Variants in WFS1 observed in about 807,000 individuals in gnomAD.
WFS1 encodes the protein wolframin.
A neutral mutation model predicts 68.5 loss-of-function variants in WFS1; 90 were observed. That is an observed-to-expected ratio of 1.31 (90% confidence interval 1.11 to 1.56). The LOEUF (loss-of-function observed/expected upper bound fraction) is 1.56, where lower values mean the gene tolerates loss of function less well. Ranked by LOEUF, WFS1 falls within the 40% of genes most tolerant of loss-of-function variation. The pLI is 0.00. For synonymous variants in WFS1, 860 were observed against 540.7 expected (o/e 1.59, Z -8.19); for missense variants, 1,767 against 1,232.6 (o/e 1.43, Z -6.49).
chr4:6,301,555 G>A lies in WFS1; in HGVS notation c.1760G>A (p.Arg587Gln), dbSNP rs71539657. ...CTGGTGGGCGTGCTGCAGTTCGCCC[G>A]GTGGTTCACGTCTCTGGAGCTCACC... Reference protein sequence around the residue: ...LALVGVLQFARWFTSLELTKI... With the variant: ...LALVGVLQFAQWFTSLELTKI... Residue 587 changes from arginine (R) to glutamine (Q), a missense_variant, in exon 8 of 8, where the codon CGG (arginine) becomes CAG (glutamine). Coordinates refer to ENST00000226760, the MANE Select transcript of WFS1 (RefSeq NM_006005.3). The A allele has an allele frequency of 2.8e-4, 458 of 1,614,076 alleles. No individual in the cohort carries two copies. Among genetic ancestry groups the A allele is most frequent in the Middle Eastern group, 2.3e-3 (14 of 6,062 alleles).
In WFS1 at chr4:6,302,276, C is replaced by T. The variant is rs886059532; in HGVS notation, c.2481C>T (p.Thr827=). 2 of 1,604,694 alleles carry T rather than the reference C, an allele frequency of 1.2e-6. No individual in the cohort carries two copies. Among genetic ancestry groups the T allele is most frequent in the African/African-American group, 1.3e-5 (1 of 74,792 alleles). ...AGGGCAGCCTCATCGAGTTCAGCACCATCCTGGAGGGCCGCCTGGGCAGCA... is the reference window on the plus strand; with the variant it reads ...AGGGCAGCCTCATCGAGTTCAGCACTATCCTGGAGGGCCGCCTGGGCAGCA... The part of the protein sequence containing the change: ...LRQGSLIEFS[T]ILEGRLGSKW... The change falls in exon 8 of 8, where the codon ACC becomes ACT. Residue 827 remains threonine, a synonymous_variant. Coordinates refer to ENST00000226760, the MANE Select transcript of WFS1 (RefSeq NM_006005.3).
At chr4:6,288,918 G>C (rs1388143945) in intron 3 of WFS1, 69 bp from the exon 4 acceptor site, 1 of 1,572,642 alleles carries the variant, frequency 6.4e-7, no homozygotes, top group East Asian at 2.3e-5. Context: ...GAAAGGAGGT[G>C]GGCTGGCAGG....
intron 7 of WFS1, among the ~76,000 whole-genome samples, chr4:6,297,922 C>G (rs563642853): frequency 2.4e-4 from 37 of 152,208 alleles, no homozygotes; most frequent in African/African-American, 8.9e-4. Flanking sequence ...AGGTGGGGGA[C>G]CAGCCCCTCC....
At chr4:6,293,850 G>A (rs181363524) in intron 6 of WFS1, among the ~76,000 whole-genome samples, 88 of 152,252 alleles carry the variant, frequency 5.8e-4, no homozygotes, top group African/African-American at 2.0e-3. Flanking sequence ...TCCTGAACCC[G>A]CAAGCCCCCA....
chr4:6,301,556 G>C lies in WFS1; in HGVS notation c.1761G>C (p.Arg587=), dbSNP rs35568345. Residue 587 remains arginine, a synonymous_variant, in exon 8 of 8, where the codon CGG becomes CGC. Transcript: ENST00000226760. ...LALVGVLQFA[R]WFTSLELTKI... is the part of the protein sequence containing the mutation. ...TGGTGGGCGTGCTGCAGTTCGCCCG[G>C]TGGTTCACGTCTCTGGAGCTCACCA... The C allele has an allele frequency of 6.8e-6, 11 of 1,614,032 alleles. No homozygotes were observed. In the African/African-American group the frequency reaches 1.5e-4, roughly 22 times the overall value.
chr4:6,295,226 C>A, intron 7 of WFS1, 37 bp downstream of exon 7: 5 of 1,608,816 alleles, frequency 3.1e-6, no homozygotes, highest in Non-Finnish European at 4.2e-6. Flanking sequence ...CGGAGCCTGC[C>A]TCCCAAGGAC....
Position 6,287,213 on chromosome 4 carries a change from G to A in WFS1, c.315+38G>A. The stretch of plus-strand genomic sequence containing the variant: ...GTGCCGGCAGGGACTTCGGGACGCG[G>A]CCCCCGGCACAACAGGCCTGGCCAC... On this transcript the variant is annotated intron_variant, in intron 3 of 7. Coordinates refer to ENST00000226760, the MANE Select transcript of WFS1 (RefSeq NM_006005.3). The surrounding 1 kb of genome is among the most constrained non-coding windows in gnomAD (Gnocchi z 6.4). The A allele has an allele frequency of 6.5e-7, 1 of 1,527,718 alleles. No individual in the cohort carries two copies. The highest frequency in any genetic ancestry group is 8.9e-7 in the Non-Finnish European group (1 of 1,127,082). 94.6% of individuals were successfully genotyped at this position (1,527,718 alleles called of 1,614,324 possible). A position where few individuals can be genotyped will look rare whatever the true frequency, so the allele number is the denominator to read the frequency against.
Position 6,302,160 on chromosome 4 carries a change from GGCTC to G in WFS1, c.2368_2371del (p.Ser790AlafsTer71). The G allele has an allele frequency of 1.2e-6, 2 of 1,612,804 alleles. No individual in the cohort carries two copies. Among genetic ancestry groups the G allele is most frequent in the Non-Finnish European group, 1.7e-6 (2 of 1,179,984 alleles). ...CATGCCATTCAGCAGCGGCGCTGAC[GGCTC>G]GCGCAGCCGCGAGGAGGACGACGTC... On this transcript the variant is annotated frameshift_variant, in exon 8 of 8. Transcript: ENST00000226760. LOFTEE classifies it high-confidence loss of function.
At chr4:6,297,406 G>T (rs1730665491) in intron 7 of WFS1, among the ~76,000 whole-genome samples, 1 of 152,156 alleles carries the variant, frequency 6.6e-6, no homozygotes, top group Non-Finnish European at 1.5e-5. Context: ...CTCCCACAAA[G>T]AATGTTCCAG....
intron 1 of WFS1, among the ~76,000 whole-genome samples, chr4:6,274,785 G>A (rs1315634295): frequency 6.6e-6 from 1 of 151,536 alleles, no homozygotes; most frequent in African/African-American, 2.4e-5. Context: ...TTGAAGGGTA[G>A]CCAGTGTTTT....
chr4:6,295,051 C>T lies in WFS1; in HGVS notation c.723C>T (p.Tyr241=), dbSNP rs766975177. The change falls in exon 7 of 8, where the codon TAC becomes TAT. Residue 241 remains tyrosine (Y), a synonymous_variant. Transcript: ENST00000226760. ...ERLVSSESKN[Y]IALDDFVEIT... is the part of the protein sequence containing the mutation. ...TCTCTCATGCTTCAGCCAAGAACTA[C>T]ATCGCGCTGGATGACTTTGTGGAGA... The T allele has an allele frequency of 1.9e-6, 3 of 1,613,446 alleles. No homozygotes were observed. The highest frequency in any genetic ancestry group is 2.7e-5 in the African/African-American group (2 of 74,928).
rs201102144 is a variant in WFS1 at position 6,302,201 on chromosome 4, C to G, written c.2406C>G (p.Ile802Met). Residue 802 changes from isoleucine to methionine, a missense_variant, in exon 8 of 8, where the codon ATC becomes ATG. Ile to Met is a conservative substitution (Grantham distance 10). Coordinates refer to ENST00000226760, the MANE Select transcript of WFS1 (RefSeq NM_006005.3). ...AGGAGGACGACGTCACCAAGGACATCGTGCTGCGGGCCAGCAGCGAGTTCA... is the reference window on the plus strand; with the variant it reads ...AGGAGGACGACGTCACCAAGGACATGGTGCTGCGGGCCAGCAGCGAGTTCA... ...SREEDDVTKD[I>M]VLRASSEFKS... 21 of 1,611,502 alleles carry G rather than the reference C, an allele frequency of 1.3e-5. No individual in the cohort carries two copies. In the Admixed American group the frequency reaches 3.0e-4, roughly 23 times the overall value.
At position 6,301,590 on chromosome 4, in the gene WFS1, G is replaced by C; in HGVS notation, c.1795G>C (p.Val599Leu). The change falls in exon 8 of 8, where the codon GTC (valine) becomes CTC (leucine). Residue 599 changes from valine to leucine, a missense_variant. Physicochemically the swap from Val to Leu is conservative, Grantham distance 32. Transcript: ENST00000226760. ...GTCTCTGGAGCTCACCAAGATCGCAGTCACCGTGGCGGTCTGTAGTGTGCC... is the reference window on the plus strand; with the variant it reads ...GTCTCTGGAGCTCACCAAGATCGCACTCACCGTGGCGGTCTGTAGTGTGCC... ...FTSLELTKIA[V>L]TVAVCSVPLL... 2 of 1,614,148 alleles carry C rather than the reference G, an allele frequency of 1.2e-6. No individual in the cohort carries two copies. The highest frequency in any genetic ancestry group is 1.7e-6 in the Non-Finnish European group (2 of 1,180,022).
At chr4:6,293,812 G>A (rs1250126500) in intron 6 of WFS1, among the ~76,000 whole-genome samples, 1 of 152,156 alleles carries the variant, frequency 6.6e-6, no homozygotes, top group East Asian at 1.9e-4. Context: ...GGGTGGCATT[G>A]GTGACCACTC....
Position 6,300,665 on chromosome 4 carries a change from G to A in WFS1, c.870G>A (p.Lys290=), listed in dbSNP as rs1475343138. 3.1e-6 allele frequency: 5 copies of A among 1,614,002 alleles called. No individual in the cohort carries two copies. Among genetic ancestry groups the A allele is most frequent in the Non-Finnish European group, 3.4e-6 (4 of 1,179,956 alleles). ...EDLPLRLKVV[K]YPLHAIMEIK... ...TACCATCTTTCCCCCAGGTGGTCAA[G>A]TACCCCCTGCACGCCATCATGGAGA... The change falls in exon 8 of 8, where the codon AAG becomes AAA. Residue 290 remains lysine (K), a synonymous_variant. Transcript: ENST00000226760.
intron 7 of WFS1, among the ~76,000 whole-genome samples, chr4:6,296,558 TCTC>T (rs1232131594): frequency 6.6e-6 from 1 of 152,154 alleles, no homozygotes; most frequent in Non-Finnish European, 1.5e-5. Flanking sequence ...GGTGCCATCA[TCTC>T]CTTACTAATG....
chr4:6,288,014 C>G (rs925230501), intron 3 of WFS1, among the ~76,000 whole-genome samples: 1 of 152,072 alleles, frequency 6.6e-6, no homozygotes, highest in African/African-American at 2.4e-5. Context: ...GTCAGGAGTT[C>G]GTGACCAGCC....
In WFS1 at chr4:6,301,478, C is replaced by A. The variant is rs71530906; in HGVS notation, c.1683C>A (p.Ile561=). Residue 561 remains isoleucine, a synonymous_variant, in exon 8 of 8, where the codon ATC becomes ATA. Coordinates refer to ENST00000226760, the MANE Select transcript of WFS1 (RefSeq NM_006005.3). The part of the protein sequence containing the change: ...STGLGLLRAS[I]GYFLFLFALP... ...GCCTGGGGCTGCTCCGCGCCTCCAT[C>A]GGCTACTTCCTCTTCCTCTTTGCCC... The A allele has an allele frequency of 6.2e-7, 1 of 1,613,038 alleles. No individual in the cohort carries two copies.
rs1194651223 is a variant in WFS1, at chr4:6,302,838, G to C, written c.*370G>C. The C allele has an allele frequency of 4.1e-5, 14 of 338,670 alleles. No individual in the cohort carries two copies. In the South Asian group the frequency reaches 5.5e-4, roughly 13 times the overall value. The allele number at this position is 338,670 out of a possible 1,614,324, so 21.0% of individuals were successfully genotyped here. A position where few individuals can be genotyped will look rare whatever the true frequency, so the allele number is the denominator to read the frequency against. ...ACCCTGTTCCCTCTTTCTTTCTTTT[G>C]TGTTGGATTTGTTTAAAAACCAAAT... On this transcript the variant is annotated 3_prime_UTR_variant, in exon 8 of 8. Transcript: ENST00000226760.
Sources: allele counts gnomAD v4.1 joint callset (sites outside exome capture counted in the v4.1 genomes callset), GRCh38; gene constraint gnomAD v4.1.1; non-coding constraint Gnocchi (gnomAD v3.1); transcripts MANE v1.5; gene names NCBI Gene and HGNC (gene_info 2026-07-23, HGNC 2026-07-21).